The following PPP1R12B variants were observed in gnomAD, a reference collection of about 807,000 sequenced individuals.
PPP1R12B encodes the protein protein phosphatase 1 regulatory subunit 12B.
A neutral mutation model predicts 126.1 loss-of-function variants in PPP1R12B; 76 were observed. That is an observed-to-expected ratio of 0.60 (90% CI 0.50 to 0.73). The LOEUF (loss-of-function observed/expected upper bound fraction) is 0.73, where lower values mean the gene tolerates loss of function less well. PPP1R12B is among the 30% of genes least tolerant of loss of function. PPP1R12B has a pLI of 0.00. For missense variants in PPP1R12B, 1,052 were observed against 1,205.1 expected (o/e 0.87, Z 1.88); for synonymous variants, 356 against 434.7 (o/e 0.82, Z 2.25).
At chr1:202,400,094 A>G (rs182887370) in intron 1 of PPP1R12B, among the ~76,000 whole-genome samples, 3 of 152,172 alleles carry the variant, frequency 2.0e-5, no homozygotes, top group East Asian at 1.9e-4. Context: ...GCTCACACTT[A>G]TAAGTGAGAA....
At chr1:202,498,246 T>C (rs1445796301) in intron 18 of PPP1R12B, among the ~76,000 whole-genome samples, 1 of 152,218 alleles carries the variant, frequency 6.6e-6, no homozygotes, top group Non-Finnish European at 1.5e-5. Flanking sequence ...TGCAGTTTGA[T>C]GTGAAAGGCA....
At chr1:202,414,875 C>T (rs1170468408) in intron 1 of PPP1R12B, among the ~76,000 whole-genome samples, 1 of 152,122 alleles carries the variant, frequency 6.6e-6, no homozygotes, top group Admixed American at 6.5e-5. Flanking sequence ...CTCGACCTCC[C>T]AGGCTTAAGC....
chr1:202,383,585 G>A (rs543192885), intron 1 of PPP1R12B, among the ~76,000 whole-genome samples: 2 of 152,016 alleles, frequency 1.3e-5, no homozygotes, highest in African/African-American at 2.4e-5. Context: ...TTAACTGGGT[G>A]TGGGGGCACA....
intron 12 of PPP1R12B, among the ~76,000 whole-genome samples, chr1:202,446,255 TA>T (rs374266753): frequency 0.13 from 8,775 of 66,090 alleles, 579 homozygotes; most frequent in African/African-American, 0.21. Context: ...TATATATATA[TA>T]TTTTTTTTTT....
chr1:202,361,778 G>A (rs935236875), intron 1 of PPP1R12B, among the ~76,000 whole-genome samples: 4 of 152,152 alleles, frequency 2.6e-5, no homozygotes, highest in African/African-American at 2.4e-5. Flanking sequence ...GTAACTTGGC[G>A]GTGCAAGGAG....
intron 13 of PPP1R12B, among the ~76,000 whole-genome samples, chr1:202,476,337 T>C (rs1016658663): frequency 3.3e-5 from 5 of 151,286 alleles, no homozygotes; most frequent in African/African-American, 9.7e-5. Context: ...ATTTATATAG[T>C]GTGTCTTTAA....
In PPP1R12B at chr1:202,545,399, C is replaced by A. The variant is rs527701351; in HGVS notation, c.2491-13478C>A. 5.3e-5 allele frequency among the ~76,000 whole-genome samples: 8 copies of A among 152,328 alleles called. No individual in the cohort carries two copies. The South Asian group carries it at 1.7e-3, about 32-fold the overall frequency. ...AGCTGGGGGAGATGGCATCTGAATT[C>A]TTGGTTTGTTGACCAGAGAGACTGG... is the stretch of plus-strand genomic sequence containing the variant. On this transcript the variant is annotated intron_variant, in intron 18 of 23. Coordinates refer to ENST00000608999, the MANE Select transcript of PPP1R12B (RefSeq NM_002481.4).
chr1:202,434,061 A>C (rs943002762), intron 8 of PPP1R12B, among the ~76,000 whole-genome samples: 1 of 152,248 alleles, frequency 6.6e-6, no homozygotes, highest in African/African-American at 2.4e-5. Context: ...GACACACTGT[A>C]TCTAGTTCAG....
chr1:202,495,084 A>G (rs1679369820), intron 15 of PPP1R12B, among the ~76,000 whole-genome samples: 1 of 149,562 alleles, frequency 6.7e-6, no homozygotes, highest in South Asian at 2.1e-4. Context: ...TCAGAGTAGG[A>G]GTCTAGCAGC....
chr1:202,477,632 C>T (rs963340549), intron 13 of PPP1R12B, among the ~76,000 whole-genome samples: 1 of 152,074 alleles, frequency 6.6e-6, no homozygotes, highest in African/African-American at 2.4e-5. Context: ...TGCAGTGGTG[C>T]AATCATGGCT....
intron 4 of PPP1R12B, 37 bp from the exon 5 acceptor site, chr1:202,427,003 C>A (rs376077678): frequency 6.9e-6 from 11 of 1,598,200 alleles, no homozygotes; most frequent in Non-Finnish European, 8.5e-6. Flanking sequence ...TTGTAATATA[C>A]AGAAGATATA....
chr1:202,411,888 C>T lies in PPP1R12B; in HGVS notation c.292-4899C>T, dbSNP rs114841548. On this transcript the variant is annotated intron_variant, in intron 1 of 23. Coordinates refer to ENST00000608999, the MANE Select transcript of PPP1R12B (RefSeq NM_002481.4). ...GGGGTCTCACTGTGTTGCACAGGTT[C>T]TCCTGTACTCAAGCGATCCTCCCAC... is the stretch of plus-strand genomic sequence containing the variant. Among the ~76,000 whole-genome samples, 484 of 152,260 alleles carry T rather than the reference C, an allele frequency of 3.2e-3. 3 individuals are homozygous for T. Among genetic ancestry groups the T allele is most frequent in the African/African-American group, 0.011 (463 of 41,548 alleles).
At chr1:202,373,675 C>A (rs1253985021) in intron 1 of PPP1R12B, among the ~76,000 whole-genome samples, 1 of 150,164 alleles carries the variant, frequency 6.7e-6, no homozygotes, top group South Asian at 2.1e-4. Flanking sequence ...TTTTTTTTTC[C>A]TTTAACGAGA....
At chr1:202,476,137 G>A (rs1676611465) in intron 13 of PPP1R12B, among the ~76,000 whole-genome samples, 1 of 150,134 alleles carries the variant, frequency 6.7e-6, no homozygotes, top group Non-Finnish European at 1.5e-5. Context: ...CCAGGAGGCA[G>A]AGGTTGCATT....
chr1:202,547,666 C>T (rs534969598), intron 18 of PPP1R12B, among the ~76,000 whole-genome samples: 1 of 152,174 alleles, frequency 6.6e-6, no homozygotes, highest in Admixed American at 6.5e-5. Flanking sequence ...AAATGTTTTG[C>T]GTTGATTTCC....
intron 18 of PPP1R12B, chr1:202,502,430 A>G (rs1465170460): frequency 1.0e-6 from 1 of 984,202 alleles, no homozygotes; most frequent in African/African-American, 1.7e-5. Flanking sequence ...AGAAATAAAT[A>G]GAAATATACC....
chr1:202,388,224 C>T (rs1463601542), intron 1 of PPP1R12B, among the ~76,000 whole-genome samples: 1 of 152,016 alleles, frequency 6.6e-6, no homozygotes, highest in Non-Finnish European at 1.5e-5. Flanking sequence ...CACTCTGTCA[C>T]CGAGGCTGAA....
intron 2 of PPP1R12B, among the ~76,000 whole-genome samples, chr1:202,417,836 T>C (rs1175829659): frequency 6.6e-6 from 1 of 152,242 alleles, no homozygotes; most frequent in Non-Finnish European, 1.5e-5. Flanking sequence ...GGCAGCTGTG[T>C]AGAGGCCTGA....
chr1:202,435,453 ATTCTCCTTTTTCTAT>A (rs1670687248), intron 9 of PPP1R12B, among the ~76,000 whole-genome samples: 1 of 152,182 alleles, frequency 6.6e-6, no homozygotes. Flanking sequence ...TTTGGTGATT[ATTCTCCTTTTTCTAT>A]TTCTCCTTTA....
Sources: allele counts gnomAD v4.1 joint callset (sites outside exome capture counted in the v4.1 genomes callset), GRCh38; gene constraint gnomAD v4.1.1; transcripts MANE v1.5; gene names NCBI Gene and HGNC (gene_info 2026-07-23, HGNC 2026-07-21).